ANK2: variants seen among roughly 807,000 people sequenced by gnomAD.
ANK2 encodes the protein ankyrin-2.
Under a neutral mutation model 360.5 loss-of-function variants are expected in ANK2, and 83 were observed. That is an observed-to-expected ratio of 0.23 (90% CI 0.19 to 0.28). ANK2 has a LOEUF of 0.28. ANK2 is among the 10% of genes least tolerant of loss of function. The pLI, the probability that ANK2 is intolerant of heterozygous loss-of-function variation, is 1.00. For missense variants in ANK2, 4,201 were observed against 4,795.7 expected (o/e 0.88, Z 3.66); for synonymous variants, 1,740 against 1,759.5 (o/e 0.99, Z 0.28).
intron 17 of ANK2, among the ~76,000 whole-genome samples, chr4:113,279,727 A>C (rs2153704850): frequency 6.7e-6 from 1 of 149,118 alleles, no homozygotes; most frequent in South Asian, 2.1e-4. Flanking sequence ...TAAATATATA[A>C]CTTTGTACAC....
intron 37 of ANK2, among the ~76,000 whole-genome samples, chr4:113,351,501 A>G (rs2095411916): frequency 6.6e-6 from 1 of 152,166 alleles, no homozygotes; most frequent in Non-Finnish European, 1.5e-5. Flanking sequence ...CACATACTGT[A>G]TCTTCTCAAC....
upstream of ANK2, among the ~76,000 whole-genome samples, chr4:112,815,369 G>C (rs986407745): frequency 6.6e-6 from 1 of 152,154 alleles, no homozygotes; most frequent in African/African-American, 2.4e-5. Flanking sequence ...AAGTGTAAAA[G>C]AATTAACTCT....
the ANK2 span, among the ~76,000 whole-genome samples, chr4:112,760,811 T>C: frequency 1.7e-3 from 259 of 148,712 alleles, 3 homozygotes; most frequent in Middle Eastern, 7.0e-3. Flanking sequence ...TCTTCTTCTT[T>C]TTTTTTTTTT....
chr4:112,994,613 A>G (rs2047928431), intron 2 of ANK2, among the ~76,000 whole-genome samples: 1 of 152,106 alleles, frequency 6.6e-6, no homozygotes, highest in Non-Finnish European at 1.5e-5. Context: ...AAAAATTTCA[A>G]CTTCTATTTT....
chr4:113,182,157 G>A (rs1050143460), intron 2 of ANK2, among the ~76,000 whole-genome samples: 1 of 152,098 alleles, frequency 6.6e-6, no homozygotes, highest in African/African-American at 2.4e-5. Context: ...GTAGGATGAA[G>A]GCAAAAGAGG....
chr4:113,331,730 G>A (rs558296015), intron 27 of ANK2, among the ~76,000 whole-genome samples: 1 of 152,210 alleles, frequency 6.6e-6, no homozygotes, highest in African/African-American at 2.4e-5. Context: ...TAGTGCCCTG[G>A]CGGTGAACCT....
At chr4:113,067,963 C>A (rs689117) in intron 1 of ANK2, among the ~76,000 whole-genome samples, 4 of 152,106 alleles carry the variant, frequency 2.6e-5, no homozygotes, top group Non-Finnish European at 5.9e-5. Context: ...ACTATGTTCC[C>A]GGAGCCACTC....
At chr4:113,350,974 A>G (rs2095377052) in intron 37 of ANK2, among the ~76,000 whole-genome samples, 1 of 152,194 alleles carries the variant, frequency 6.6e-6, no homozygotes, top group South Asian at 2.1e-4. Context: ...CTGATCTAGT[A>G]GAGAGAGAAC....
intron 2 of ANK2, among the ~76,000 whole-genome samples, chr4:113,001,235 G>A (rs1290022962): frequency 6.6e-6 from 1 of 151,386 alleles, no homozygotes; most frequent in Non-Finnish European, 1.5e-5. Context: ...GGAGGCTGAG[G>A]CAGGAGAATC....
At chr4:112,737,617 G>A in the ANK2 span, among the ~76,000 whole-genome samples, 3 of 152,154 alleles carry the variant, frequency 2.0e-5, no homozygotes, top group Non-Finnish European at 2.9e-5. Flanking sequence ...CACATGACTG[G>A]TACATTGGTG....
the ANK2 span, among the ~76,000 whole-genome samples, chr4:112,712,193 C>A: frequency 6.7e-6 from 1 of 149,858 alleles, no homozygotes; most frequent in Non-Finnish European, 1.5e-5. Context: ...AGCTATTCTG[C>A]CTCAGACTCC....
intron 1 of ANK2, among the ~76,000 whole-genome samples, chr4:112,884,900 C>T (rs761239490): frequency 2.6e-4 from 40 of 151,950 alleles, no homozygotes; most frequent in Non-Finnish European, 5.1e-4. Flanking sequence ...AGTGTGAATT[C>T]GTCTTTTATT....
At chr4:113,256,268 C>G (rs1227414058) in intron 11 of ANK2, among the ~76,000 whole-genome samples, 2 of 152,042 alleles carry the variant, frequency 1.3e-5, no homozygotes, top group African/African-American at 4.8e-5. Flanking sequence ...TTCTAGATAC[C>G]TCTAGATAAA....
intron 1 of ANK2, chr4:113,116,875 A>G (rs2094845939): frequency 4.8e-6 from 1 of 210,400 alleles, no homozygotes; most frequent in South Asian, 8.7e-5. Context: ...AGGAGTCCCC[A>G]AAGACTGTTC....
intron 1 of ANK2, among the ~76,000 whole-genome samples, chr4:112,876,384 A>G (rs2075111107): frequency 6.6e-6 from 1 of 152,194 alleles, no homozygotes; most frequent in Admixed American, 6.5e-5. Flanking sequence ...AGCAGCTGGC[A>G]CACTCAAAAT....
At chr4:112,740,066 C>A in the ANK2 span, among the ~76,000 whole-genome samples, 1 of 151,942 alleles carries the variant, frequency 6.6e-6, no homozygotes, top group Non-Finnish European at 1.5e-5. Context: ...TAACCTATTT[C>A]CATTTCCAAA....
At chr4:112,813,145 G>T (rs2055424024), upstream of ANK2, among the ~76,000 whole-genome samples, 2 of 151,708 alleles carry the variant, frequency 1.3e-5, no homozygotes, top group African/African-American at 4.8e-5. Context: ...GGCTAAGGCA[G>T]GAGAATCGCT....
chr4:113,357,642 A>G lies in ANK2; in HGVS notation c.9024A>G (p.Ser3008=). The change falls in exon 38 of 46, where the codon TCA becomes TCG. Residue 3008 remains serine (S), a synonymous_variant. Transcript: ENST00000357077. ...QQESTLWEMQ[S]DSVSSSFEPT... ...AAAGTACCTTGTGGGAAATGCAATCAGACAGTGTCTCTTCATCTTTCGAGC... is the reference window on the plus strand; with the variant it reads ...AAAGTACCTTGTGGGAAATGCAATCGGACAGTGTCTCTTCATCTTTCGAGC... 1 of 1,614,184 alleles carries G rather than the reference A, an allele frequency of 6.2e-7. No homozygotes were observed. The highest frequency in any genetic ancestry group is 2.2e-5 in the East Asian group (1 of 44,884).
At chr4:113,224,082 G>A (rs1282921802) in intron 4 of ANK2, among the ~76,000 whole-genome samples, 1 of 152,094 alleles carries the variant, frequency 6.6e-6, no homozygotes, top group East Asian at 1.9e-4. Flanking sequence ...AAGGCAGAAG[G>A]GCAGTGACTT....
Sources: allele counts gnomAD v4.1 joint callset (sites outside exome capture counted in the v4.1 genomes callset), GRCh38; gene constraint gnomAD v4.1.1; transcripts MANE v1.5; gene names NCBI Gene and HGNC (gene_info 2026-07-23, HGNC 2026-07-21).